The following RPS6KC1 variants were observed in gnomAD, a reference collection of about 807,000 sequenced individuals.
The protein encoded by RPS6KC1 is inactive ribosomal protein S6 kinase delta-1.
Under a neutral mutation model 103.8 loss-of-function variants are expected in RPS6KC1, and 54 were observed. The observed-to-expected ratio is 0.52, with a 90% confidence interval of 0.42 to 0.65. The LOEUF is 0.65. Ranked by LOEUF, RPS6KC1 falls within the 30% of genes least tolerant of loss-of-function variation. The pLI, the probability that RPS6KC1 is intolerant of heterozygous loss-of-function variation, is 0.00. For missense variants in RPS6KC1, 1,151 were observed against 1,253.8 expected, an observed-to-expected ratio of 0.92 and a Z score of 1.24; for synonymous variants, 439 against 438.7, an observed-to-expected ratio of 1.00 and a Z score of -0.01.
At chr1:213,275,485 C>G (rs2095110567), downstream of RPS6KC1, among the ~76,000 whole-genome samples, 1 of 152,086 alleles carries the variant, frequency 6.6e-6, no homozygotes, top group South Asian at 2.1e-4. Context: ...TTAAGCTTCC[C>G]AAGAGTGAAA....
chr1:213,057,884 G>A (rs1366197398), intron 1 of RPS6KC1, among the ~76,000 whole-genome samples: 1 of 147,054 alleles, frequency 6.8e-6, no homozygotes, highest in Admixed American at 7.0e-5. Flanking sequence ...CCACCTCTCA[G>A]CCTCCTGAGT....
Position 213,129,844 on chromosome 1 carries a change from G to C in RPS6KC1, c.790G>C (p.Asp264His), listed in dbSNP as rs756050938. ...AGAAGACGACTATGAAGCTGCTTCT[G>C]ATTTTTATAGGAAGGGAGTTGATTT... is the stretch of plus-strand genomic sequence containing the variant. The part of the protein sequence containing the change: ...EEEDDYEAAS[D>H]FYRKGVDLLL... The change falls in exon 6 of 15, where the codon GAT becomes CAT. Residue 264 changes from aspartate to histidine, a missense_variant. Asp to His is a moderately conservative substitution (Grantham distance 81). Coordinates refer to ENST00000366960, the MANE Select transcript of RPS6KC1 (RefSeq NM_012424.6). 1 of 1,609,996 alleles carries C rather than the reference G, an allele frequency of 6.2e-7. No individual in the cohort carries two copies. The highest frequency in any genetic ancestry group is 1.1e-5 in the South Asian group (1 of 90,384).
At chr1:213,479,470 A>C in the RPS6KC1 span, among the ~76,000 whole-genome samples, 1 of 152,060 alleles carries the variant, frequency 6.6e-6, no homozygotes, top group Non-Finnish European at 1.5e-5. Flanking sequence ...TCTAAACTGC[A>C]TCTCTCCGAT....
chr1:213,609,525 C>G, the RPS6KC1 span, among the ~76,000 whole-genome samples: 2 of 152,126 alleles, frequency 1.3e-5, no homozygotes, highest in Admixed American at 6.5e-5. Context: ...CACAATCACC[C>G]TCACAAAGAG....
chr1:213,708,341 C>T, the RPS6KC1 span, among the ~76,000 whole-genome samples: 1 of 152,062 alleles, frequency 6.6e-6, no homozygotes, highest in Non-Finnish European at 1.5e-5. Flanking sequence ...CTCTCTCTTT[C>T]TATTATTGGT....
the RPS6KC1 span, among the ~76,000 whole-genome samples, chr1:213,577,494 A>T: frequency 6.6e-6 from 1 of 152,260 alleles, no homozygotes; most frequent in South Asian, 2.1e-4. Flanking sequence ...AGGTTGGAAC[A>T]GTTTGGAGGG....
chr1:213,287,439 A>G, the RPS6KC1 span, among the ~76,000 whole-genome samples: 1 of 152,214 alleles, frequency 6.6e-6, no homozygotes, highest in Admixed American at 6.5e-5. Context: ...CAGTAAATAT[A>G]AATCTACAAT....
the RPS6KC1 span, among the ~76,000 whole-genome samples, chr1:213,591,326 A>G: frequency 2.6e-5 from 4 of 152,174 alleles, no homozygotes; most frequent in South Asian, 8.3e-4. Context: ...ATCTTTGCAC[A>G]CAAAACCCCC....
chr1:213,784,989 A>T, the RPS6KC1 span, among the ~76,000 whole-genome samples: 1 of 152,184 alleles, frequency 6.6e-6, no homozygotes, highest in Non-Finnish European at 1.5e-5. Context: ...AAAAAATGGA[A>T]AAAGGGTGAA....
chr1:213,075,242 A>G (rs2079223157), intron 2 of RPS6KC1, among the ~76,000 whole-genome samples: 1 of 152,098 alleles, frequency 6.6e-6, no homozygotes, highest in African/African-American at 2.4e-5. Context: ...CCTTAACCTT[A>G]CGTAATGTCC....
At chr1:213,146,556 G>C (rs1219708210) in intron 6 of RPS6KC1, among the ~76,000 whole-genome samples, 1 of 151,630 alleles carries the variant, frequency 6.6e-6, no homozygotes, top group Non-Finnish European at 1.5e-5. Flanking sequence ...TGAGTAGCTG[G>C]GGTTGATTAC....
At chr1:213,104,390 TA>T (rs1268028563) in intron 3 of RPS6KC1, 63 bp from the exon 4 acceptor site, 3 of 1,070,168 alleles carry the variant, frequency 2.8e-6, no homozygotes, top group Non-Finnish European at 4.3e-6. Flanking sequence ...TCTGTGGACG[TA>T]AACTATCATA....
At chr1:213,471,818 G>T in the RPS6KC1 span, among the ~76,000 whole-genome samples, 3 of 151,480 alleles carry the variant, frequency 2.0e-5, no homozygotes, top group African/African-American at 7.3e-5. Context: ...CAAAACTTTG[G>T]TTCCAAGTAT....
the RPS6KC1 span, among the ~76,000 whole-genome samples, chr1:213,677,490 A>T: frequency 1.1e-4 from 16 of 152,332 alleles, no homozygotes; most frequent in Non-Finnish European, 2.2e-4. Flanking sequence ...GAAGAAGAAT[A>T]AAAGTAAAAT....
chr1:213,291,206 C>T, the RPS6KC1 span, among the ~76,000 whole-genome samples: 1 of 152,200 alleles, frequency 6.6e-6, no homozygotes, highest in Non-Finnish European at 1.5e-5. Flanking sequence ...TCTCTCTAGT[C>T]ATGTATGATG....
chr1:213,080,634 G>A (rs1368524379), intron 3 of RPS6KC1, among the ~76,000 whole-genome samples: 2 of 152,130 alleles, frequency 1.3e-5, no homozygotes, highest in South Asian at 2.1e-4. Flanking sequence ...GTGCAGTGGT[G>A]CAGTCCCACA....
the RPS6KC1 span, among the ~76,000 whole-genome samples, chr1:213,720,550 A>G: frequency 6.6e-6 from 1 of 152,242 alleles, no homozygotes; most frequent in Non-Finnish European, 1.5e-5. Flanking sequence ...ATTTAGAGAT[A>G]GATAGGGTTC....
At chr1:213,286,559 C>T in the RPS6KC1 span, among the ~76,000 whole-genome samples, 5 of 152,182 alleles carry the variant, frequency 3.3e-5, no homozygotes, top group African/African-American at 1.2e-4. Context: ...GGAACCAATT[C>T]GCTATCTTGA....
chr1:213,574,480 C>T, the RPS6KC1 span, among the ~76,000 whole-genome samples: 4 of 152,058 alleles, frequency 2.6e-5, no homozygotes, highest in Admixed American at 6.5e-5. Flanking sequence ...GGAATTATAC[C>T]CTGGAGGGTC....
Sources: gnomAD v4.1 joint callset for allele counts (sites outside exome capture counted in the v4.1 genomes callset) on GRCh38, gnomAD v4.1.1 for gene constraint, MANE v1.5 for transcripts, NCBI Gene and HGNC (gene_info 2026-07-23, HGNC 2026-07-21) for gene names.